Variants in ATP10D observed in about 807,000 individuals in gnomAD.
The protein encoded by ATP10D is ATPase phospholipid transporting 10D (putative).
Under a neutral mutation model 144.8 loss-of-function variants are expected in ATP10D, and 89 were observed. The observed-to-expected ratio is 0.61, with a 90% CI of 0.52 to 0.73. The LOEUF (loss-of-function observed/expected upper bound fraction) is 0.73, where lower values mean the gene tolerates loss of function less well. Ranked by LOEUF, ATP10D falls within the 30% of genes least tolerant of loss-of-function variation. ATP10D has a pLI of 0.00. For missense variants in ATP10D, 1,603 were observed against 1,714.8 expected (o/e 0.93, Z 1.15); for synonymous variants, 571 against 615.1 (o/e 0.93, Z 1.06).
chr4:47,525,136 T>C lies in ATP10D; in HGVS notation c.691-421T>C, dbSNP rs376563514. Among the ~76,000 whole-genome samples the C allele has an allele frequency of 8.5e-4, 129 of 152,324 alleles. 4 individuals are homozygous for C. In the South Asian group the frequency reaches 0.026, roughly 31 times the overall value. ...AGTTTATTTTTAAATGTTTTATTTA[T>C]AAAATTTGGCTGAGATCAAATGCAT... On this transcript the variant is annotated intron_variant, in intron 4 of 22. Transcript: ENST00000273859.
At chr4:47,572,369 CTATT>C in intron 17 of ATP10D, 139 bp downstream of exon 17, 5 of 659,960 alleles carry the variant, frequency 7.6e-6, no homozygotes. Context: ...GTTTACCTAT[CTATT>C]CATTGATTTT....
At chr4:47,552,850 A>C (rs1718793173) in intron 10 of ATP10D, among the ~76,000 whole-genome samples, 1 of 152,216 alleles carries the variant, frequency 6.6e-6, no homozygotes, top group Non-Finnish European at 1.5e-5. Context: ...GTCTCTAAAA[A>C]ATAGAATTTG....
intron 4 of ATP10D, among the ~76,000 whole-genome samples, chr4:47,524,366 A>G (rs1449769400): frequency 6.6e-6 from 1 of 151,652 alleles, no homozygotes; most frequent in Non-Finnish European, 1.5e-5. Context: ...CTCTCTACCT[A>G]TGGATTTCAT....
chr4:47,535,671 T>C, intron 6 of ATP10D, 56 bp downstream of exon 6: 3 of 1,523,024 alleles, frequency 2.0e-6, no homozygotes, highest in Non-Finnish European at 1.8e-6. Context: ...CAAGTTAACA[T>C]TTTTCATTTA....
chr4:47,558,742 G>A (rs551958234), intron 12 of ATP10D, among the ~76,000 whole-genome samples, 181 bp from the exon 13 acceptor site: 2 of 152,208 alleles, frequency 1.3e-5, no homozygotes, highest in South Asian at 4.1e-4. Flanking sequence ...TGCCCAAGGG[G>A]AAAGAAACGA....
intron 20 of ATP10D, 119 bp downstream of exon 20, chr4:47,580,597 A>G (rs926730622): frequency 1.2e-6 from 1 of 846,382 alleles, no homozygotes; most frequent in African/African-American, 1.7e-5. Context: ...GTTGATTATT[A>G]ACTGACTAAA....
chr4:47,524,735 T>C (rs557727768), intron 4 of ATP10D, among the ~76,000 whole-genome samples: 8 of 152,338 alleles, frequency 5.3e-5, no homozygotes, highest in Admixed American at 4.6e-4. Context: ...ATTATTTTAG[T>C]ACCTACCTCA....
intron 14 of ATP10D, 151 bp from the exon 15 acceptor site, chr4:47,563,430 C>T (rs994949007): frequency 3.0e-5 from 16 of 537,698 alleles, no homozygotes; most frequent in Admixed American, 4.0e-5. Context: ...TGGTCTGGGT[C>T]GTCAAACCTC....
chr4:47,509,473 T>C (rs1716198066), intron 1 of ATP10D, among the ~76,000 whole-genome samples: 1 of 152,210 alleles, frequency 6.6e-6, no homozygotes, highest in Non-Finnish European at 1.5e-5. Flanking sequence ...GATGTTTTGA[T>C]ATGTGGATGT....
intron 1 of ATP10D, among the ~76,000 whole-genome samples, chr4:47,493,315 T>C (rs1009523205): frequency 1.3e-5 from 2 of 152,246 alleles, no homozygotes; most frequent in African/African-American, 2.4e-5. Context: ...GTTCAACTTA[T>C]GATTTTTCCA....
At chr4:47,511,277 A>G (rs2109399161) in intron 1 of ATP10D, among the ~76,000 whole-genome samples, 1 of 149,914 alleles carries the variant, frequency 6.7e-6, no homozygotes, top group South Asian at 2.1e-4. Flanking sequence ...CCAAAATCCA[A>G]AAGAACTGTT....
At chr4:47,582,609 T>A (rs1396091194) in intron 21 of ATP10D, among the ~76,000 whole-genome samples, 1 of 152,184 alleles carries the variant, frequency 6.6e-6, no homozygotes. Context: ...CTTATCCCTC[T>A]TTCAGTTTCT....
chr4:47,529,767 C>A (rs1327156535), intron 5 of ATP10D, among the ~76,000 whole-genome samples: 2 of 152,152 alleles, frequency 1.3e-5, no homozygotes, highest in Non-Finnish European at 2.9e-5. Context: ...TTCTTCCAAT[C>A]CATGAGCATG....
rs750262089 is a variant in ATP10D, at chr4:47,568,817, C to A, written c.2854-20C>A. The A allele has an allele frequency of 5.0e-6, 8 of 1,604,162 alleles. No individual in the cohort carries two copies. Among genetic ancestry groups the A allele is most frequent in the Non-Finnish European group, 6.8e-6 (8 of 1,173,376 alleles). On this transcript the variant is annotated intron_variant, in intron 15 of 22. Transcript: ENST00000273859. ...ACCAAGGGCGCCTGGAGGCTAACCACCTTTGCCTCTTGTTTCAAGGATGCC... is the reference window on the plus strand; with the variant it reads ...ACCAAGGGCGCCTGGAGGCTAACCAACTTTGCCTCTTGTTTCAAGGATGCC...
intron 1 of ATP10D, among the ~76,000 whole-genome samples, chr4:47,493,571 CT>C (rs142474723): frequency 0.013 from 1,998 of 152,292 alleles, 49 homozygotes; most frequent in African/African-American, 0.047. Flanking sequence ...ATGACATGCA[CT>C]TTTGACTTAT....
intron 21 of ATP10D, among the ~76,000 whole-genome samples, chr4:47,584,367 TTTG>T (rs1173527480): frequency 1.9e-4 from 29 of 152,028 alleles, no homozygotes; most frequent in Admixed American, 1.7e-3. Context: ...GCATGTTTTT[TTTG>T]TTGTTGTTTT....
chr4:47,569,542 T>A (rs1719834316), intron 16 of ATP10D, among the ~76,000 whole-genome samples: 1 of 152,220 alleles, frequency 6.6e-6, no homozygotes, highest in African/African-American at 2.4e-5. Flanking sequence ...TCAAGTGCCT[T>A]TTTTGTACCA....
Position 47,494,840 on chromosome 4 carries a change from G to A in ATP10D, c.-38+9321G>A, listed in dbSNP as rs796690378. On this transcript the variant is annotated intron_variant, in intron 1 of 22. Transcript: ENST00000273859. ...CCTACATAAGTATAGGCATAAAAAT[G>A]TTTTATTGAAACAATTATCTGAGCT... Among the ~76,000 whole-genome samples, 134 of 152,278 alleles carry A rather than the reference G, an allele frequency of 8.8e-4. 1 individual carries two copies. Among genetic ancestry groups the A allele is most frequent in the African/African-American group, 3.1e-3 (127 of 41,554 alleles).
intron 1 of ATP10D, among the ~76,000 whole-genome samples, chr4:47,495,737 CTTTT>C (rs34643518): frequency 7.1e-6 from 1 of 141,544 alleles, no homozygotes. Flanking sequence ...TTTTAAGCAA[CTTTT>C]TTTTTTTTTT....
Sources: gnomAD v4.1 joint callset for allele counts (sites outside exome capture counted in the v4.1 genomes callset) on GRCh38, gnomAD v4.1.1 for gene constraint, MANE v1.5 for transcripts, NCBI Gene and HGNC (gene_info 2026-07-23, HGNC 2026-07-21) for gene names.